TOLLIP: variants seen among roughly 807,000 people sequenced by gnomAD.
The protein encoded by TOLLIP is toll-interacting protein.
Under a neutral mutation model 33.5 loss-of-function variants are expected in TOLLIP, and 16 were observed. That is an observed-to-expected ratio of 0.48 (90% confidence interval 0.32 to 0.72). The LOEUF is 0.72. TOLLIP is among the 30% of genes least tolerant of loss of function. TOLLIP has a pLI of 0.03. For synonymous variants in TOLLIP, 176 were observed against 163.7 expected, an observed-to-expected ratio of 1.07 and a Z score of -0.57; for missense variants, 325 against 396.6, an observed-to-expected ratio of 0.82 and a Z score of 1.53.
chr11:1,301,623 C>T (rs1864281047), intron 1 of TOLLIP, among the ~76,000 whole-genome samples: 2 of 152,164 alleles, frequency 1.3e-5, no homozygotes, highest in Admixed American at 6.5e-5. Context: ...TCAATATCAC[C>T]CCCACATTGA....
Position 1,309,509 on chromosome 11 carries a change from C to T in TOLLIP, c.-11G>A. 3.1e-6 allele frequency: 4 copies of T among 1,305,194 alleles called. No individual in the cohort carries two copies. Among genetic ancestry groups the T allele is most frequent in the Admixed American group, 3.2e-5 (1 of 31,186 alleles). The allele number at this position is 1,305,194 out of a possible 1,614,324, so 80.9% of individuals were successfully genotyped here. ...GACGGTGGTCGCCATGGTGCTGCGGCGGCCCCCGTGGCTCGCCGACCCGAC... is the reference window on the plus strand; with the variant it reads ...GACGGTGGTCGCCATGGTGCTGCGGTGGCCCCCGTGGCTCGCCGACCCGAC... On this transcript the variant is annotated 5_prime_UTR_variant, in exon 1 of 6. Transcript: ENST00000317204.
In TOLLIP at chr11:1,288,624, C is replaced by T. The variant is rs139128352; in HGVS notation, c.519G>A (p.Ala173=). Residue 173 remains alanine, a splice_region_variant and synonymous_variant, in exon 4 of 6, where the codon GCG becomes GCA. Transcript: ENST00000317204. ...CACCCCGCCCAGGCGTGCAGCTCAC[C>T]GCGTAGGACATGACGAGGTTGATCA... ...EGMINLVMSY[A]LLPAAMVMPP... is the part of the protein sequence containing the mutation. 7.1e-5 allele frequency: 115 copies of T among 1,610,706 alleles called. 1 individual carries two copies. The Middle Eastern group carries it at 9.9e-4, about 14-fold the overall frequency.
intron 1 of TOLLIP, among the ~76,000 whole-genome samples, chr11:1,304,428 A>G (rs1030210689): frequency 2.0e-5 from 3 of 152,246 alleles, no homozygotes; most frequent in African/African-American, 7.2e-5. Context: ...GGGATAAGAA[A>G]AGAGAAACAC....
chr11:1,304,301 C>G (rs1044418203), intron 1 of TOLLIP, among the ~76,000 whole-genome samples: 4 of 151,876 alleles, frequency 2.6e-5, no homozygotes, highest in African/African-American at 9.7e-5. Context: ...AAATAGCTGT[C>G]AGGACACAGA....
intron 1 of TOLLIP, among the ~76,000 whole-genome samples, chr11:1,308,576 T>G (rs527978970): frequency 6.6e-6 from 1 of 152,346 alleles, no homozygotes; most frequent in Admixed American, 6.5e-5. Flanking sequence ...TCTGAGTCAG[T>G]CTACACCAGC....
Position 1,303,318 on chromosome 11 carries a change from C to A in TOLLIP, c.33+6148G>T, listed in dbSNP as rs1032422730. Reference sequence around the variant, plus strand: ...AACAAAAGCCAGTCAAGCAGCAGGCCAAGGGCGGACAGAGATCCAGAGAGG... The same window carrying A: ...AACAAAAGCCAGTCAAGCAGCAGGCAAAGGGCGGACAGAGATCCAGAGAGG... On this transcript the variant is annotated intron_variant, in intron 1 of 5. Coordinates refer to ENST00000317204, the MANE Select transcript of TOLLIP (RefSeq NM_019009.4). The surrounding 1 kb of genome is among the most constrained non-coding windows in gnomAD (Gnocchi z 4.2). 1.9e-4 allele frequency among the ~76,000 whole-genome samples: 29 copies of A among 152,054 alleles called. No homozygotes were observed. The highest frequency in any genetic ancestry group is 1.4e-3 in the Admixed American group (21 of 15,274).
At chr11:1,309,400 T>C in intron 1 of TOLLIP, 66 bp downstream of exon 1, 1 of 968,262 alleles carries the variant, frequency 1.0e-6, no homozygotes, top group Non-Finnish European at 1.3e-6. Context: ...GCAGTAGCCC[T>C]GACCCAAGGC....
chr11:1,279,285 C>T (rs1034944231), intron 5 of TOLLIP, among the ~76,000 whole-genome samples: 6 of 152,236 alleles, frequency 3.9e-5, no homozygotes, highest in African/African-American at 1.4e-4. Context: ...GGTGCTTCCA[C>T]GGTGTGGGCT....
rs189733280 is a variant in TOLLIP, at chr11:1,279,362, C to T, written c.611-2109G>A. Among the ~76,000 whole-genome samples the T allele has an allele frequency of 2.1e-3, 324 of 152,350 alleles. No individual in the cohort carries two copies. In the Middle Eastern group the frequency reaches 0.024, roughly 11 times the overall value. The stretch of plus-strand genomic sequence containing the variant: ...CAGAGGCCATGTGCCTGGCCTGAGC[C>T]GGCCCATCCTGGTTACCAAGCACGG... On this transcript the variant is annotated intron_variant, in intron 5 of 5. Transcript: ENST00000317204.
rs1863266970 is a variant in TOLLIP, at chr11:1,275,504, C to A, written c.*1535G>T. On this transcript the variant is annotated 3_prime_UTR_variant, in exon 6 of 6. Transcript: ENST00000317204. ...GAGACAGGGAATCCCAGGGGCCCCT[C>A]CGTCTGAGTGGTCGGCGTCTGCTGA... 1 of 152,202 alleles carries A rather than the reference C, an allele frequency of 6.6e-6. No individual in the cohort carries two copies. Among genetic ancestry groups the A allele is most frequent in the Non-Finnish European group, 1.5e-5 (1 of 68,054 alleles). 9.4% of individuals were successfully genotyped at this position (152,202 alleles called of 1,614,324 possible).
chr11:1,293,050 G>A (rs748072745), intron 2 of TOLLIP, among the ~76,000 whole-genome samples: 1 of 152,206 alleles, frequency 6.6e-6, no homozygotes, highest in Non-Finnish European at 1.5e-5. Context: ...GGGGGCAGTG[G>A]GTGGGTGCGG....
intron 1 of TOLLIP, among the ~76,000 whole-genome samples, chr11:1,308,469 T>C (rs1387432935): frequency 6.6e-6 from 1 of 152,214 alleles, no homozygotes; most frequent in Non-Finnish European, 1.5e-5. Flanking sequence ...TTAAATCTCT[T>C]TTCTTACAAA....
chr11:1,309,631 G>C lies in TOLLIP; in HGVS notation c.-133C>G, dbSNP rs917248465. On this transcript the variant is annotated 5_prime_UTR_variant, in exon 1 of 6. Transcript: ENST00000317204. The stretch of plus-strand genomic sequence containing the variant: ...CCGCCGCCACAGTCAGCTGACAGCC[G>C]CCGCGCCCCGCCCCCGGCACCGCCC... The C allele has an allele frequency of 3.0e-5, 10 of 337,414 alleles. No individual in the cohort carries two copies. Among genetic ancestry groups the C allele is most frequent in the African/African-American group, 4.4e-5 (2 of 45,720 alleles). 20.9% of individuals were successfully genotyped at this position (337,414 alleles called of 1,614,324 possible).
At position 1,295,705 on chromosome 11, in the gene TOLLIP, C is replaced by A. The variant is rs2133916712; in HGVS notation, c.123G>T (p.Gln41His). 6.2e-7 allele frequency: 1 copy of A among 1,611,178 alleles called. No individual in the cohort carries two copies. The highest frequency in any genetic ancestry group is 1.7e-5 in the Admixed American group (1 of 59,906). ...CCACTGCGCCTCCGTACTGCAGCTG[C>A]TGGGCCGCCTGGGCGTCCAGCTGGA... is the stretch of plus-strand genomic sequence containing the variant. ...RQVQLDAQAA[Q>H]QLQYGGAVGT... The change falls in exon 2 of 6, where the codon CAG becomes CAT. Residue 41 changes from glutamine to histidine, a missense_variant. Transcript: ENST00000317204.
chr11:1,300,001 A>C (rs375034388), intron 1 of TOLLIP, among the ~76,000 whole-genome samples: 1 of 152,246 alleles, frequency 6.6e-6, no homozygotes, highest in African/African-American at 2.4e-5. Context: ...ACTCTGGAGG[A>C]GCATTCAGGA....
chr11:1,301,062 A>C (rs1250383521), intron 1 of TOLLIP, among the ~76,000 whole-genome samples: 2 of 152,258 alleles, frequency 1.3e-5, no homozygotes, highest in African/African-American at 2.4e-5. Flanking sequence ...TCAATTAAAA[A>C]CTAAAATGCT....
chr11:1,290,264 G>T lies in TOLLIP; in HGVS notation c.329C>A (p.Pro110Gln). ...WNKVIHCTVP[P>Q]GVDSFYLEIF... is the part of the protein sequence containing the mutation. ...CTCGAGATAGAAAGAGTCCACGCCTGGGGGCACCGTGCAGTGGATGACCTT... is the reference window on the plus strand; with the variant it reads ...CTCGAGATAGAAAGAGTCCACGCCTTGGGGCACCGTGCAGTGGATGACCTT... Residue 110 changes from proline (P) to glutamine (Q), a missense_variant, in exon 3 of 6, where the codon CCA becomes CAA. Pro to Gln is a moderately conservative substitution (Grantham distance 76). Transcript: ENST00000317204. The surrounding 1 kb of genome is among the most constrained non-coding windows in gnomAD (Gnocchi z 4.9). The T allele has an allele frequency of 6.2e-7, 1 of 1,613,488 alleles. No individual in the cohort carries two copies. Among genetic ancestry groups the T allele is most frequent in the South Asian group, 1.1e-5 (1 of 91,082 alleles).
chr11:1,305,935 TCCTCGCGGGGGCCCGCACGGTACC>T (rs1864410655), intron 1 of TOLLIP: 5 of 151,848 alleles, frequency 3.3e-5, no homozygotes, highest in Admixed American at 2.0e-4. Context: ...TCCTCGATAC[TCCTCGCGGGGGCCCGCACGGTACC>T]CCTCGCAGGG....
chr11:1,305,850 A>AC (rs1171460583), intron 1 of TOLLIP: 1 of 152,230 alleles, frequency 6.6e-6, no homozygotes, highest in Non-Finnish European at 1.5e-5. Flanking sequence ...CTCTGACGGC[A>AC]CCGCGGTGGC....
Sources: gnomAD v4.1 joint callset for allele counts (sites outside exome capture counted in the v4.1 genomes callset) on GRCh38, gnomAD v4.1.1 for gene constraint, Gnocchi (gnomAD v3.1) non-coding constraint, MANE v1.5 for transcripts, NCBI Gene and HGNC (gene_info 2026-07-23, HGNC 2026-07-21) for gene names.